The following ATP11B variants were observed in gnomAD, a reference collection of about 807,000 sequenced individuals.
The protein encoded by ATP11B is ATPase phospholipid transporting 11B (putative), also known as phospholipid-transporting ATPase IF.
In ATP11B, 81 loss-of-function variants were observed where a neutral mutation model predicts 157.8. That is an observed-to-expected ratio of 0.51 (90% CI 0.43 to 0.62). The LOEUF is 0.62. Among genes scored for constraint, ATP11B ranks in the 20% least tolerant of loss-of-function variants. The probability of loss-of-function intolerance (pLI) is 0.00; values close to 1 mark genes in which losing one functional copy is unlikely to be tolerated. For synonymous variants in ATP11B, 451 were observed against 469.4 expected (o/e 0.96, Z 0.51); for missense variants, 1,165 against 1,402.2 (o/e 0.83, Z 2.70).
intron 25 of ATP11B, among the ~76,000 whole-genome samples, chr3:182,893,355 C>T (rs1723302323): frequency 6.6e-6 from 1 of 152,076 alleles, no homozygotes; most frequent in Non-Finnish European, 1.5e-5. Context: ...CACCCTTTTC[C>T]CTGAGCCCCA....
chr3:182,876,996 C>T (rs920723933), intron 19 of ATP11B, among the ~76,000 whole-genome samples: 14 of 152,174 alleles, frequency 9.2e-5, no homozygotes, highest in African/African-American at 1.7e-4. Context: ...AAAAATCTGT[C>T]GCACAAAGAA....
chr3:182,889,383 T>C (rs765211482), intron 24 of ATP11B, 27 bp from the exon 25 acceptor site: 8 of 1,462,988 alleles, frequency 5.5e-6, no homozygotes, highest in Middle Eastern at 2.1e-4. Context: ...ATCCCTAATA[T>C]GTTTCTTTTT....
At chr3:182,819,337 C>T (rs1258597554) in intron 1 of ATP11B, among the ~76,000 whole-genome samples, 2 of 152,122 alleles carry the variant, frequency 1.3e-5, no homozygotes, top group Non-Finnish European at 2.9e-5. Context: ...TCCCAAAGTG[C>T]TAGGATTACA....
rs1200408097 is a variant in ATP11B at position 182,844,998 on chromosome 3, T to A, written c.705-460T>A. Among the ~76,000 whole-genome samples the A allele has an allele frequency of 8.7e-4, 105 of 120,376 alleles. 1 individual carries two copies. Among genetic ancestry groups the A allele is most frequent in the East Asian group, 4.5e-3 (22 of 4,916 alleles). 79.0% of individuals were successfully genotyped at this position (120,376 alleles called of 152,430 possible). On this transcript the variant is annotated intron_variant, in intron 8 of 29. Coordinates refer to ENST00000323116, the MANE Select transcript of ATP11B (RefSeq NM_014616.3). ...CTAGGCAGCCTTTTTTTTTTTATTT[T>A]TTTTTTTATTTTTTTTTATTTTTGA...
chr3:182,877,754 G>A (rs888038349), intron 19 of ATP11B, among the ~76,000 whole-genome samples: 15 of 152,090 alleles, frequency 9.9e-5, no homozygotes, highest in African/African-American at 3.4e-4. Flanking sequence ...GGTATAGATG[G>A]GACAGGGTAT....
chr3:182,887,776 A>G (rs745990751), intron 24 of ATP11B, 63 bp downstream of exon 24: 69 of 1,519,118 alleles, frequency 4.5e-5, no homozygotes, highest in Non-Finnish European at 6.0e-5. Context: ...AAGCAGATTT[A>G]TTTATGTCTT....
At chr3:182,826,920 T>C (rs1015137073) in intron 2 of ATP11B, among the ~76,000 whole-genome samples, 1 of 152,158 alleles carries the variant, frequency 6.6e-6, no homozygotes, top group African/African-American at 2.4e-5. Flanking sequence ...GTAAAGTACC[T>C]CTTTGGAAAT....
At chr3:182,835,410 A>G (rs1718472776) in intron 4 of ATP11B, among the ~76,000 whole-genome samples, 1 of 152,202 alleles carries the variant, frequency 6.6e-6, no homozygotes, top group Non-Finnish European at 1.5e-5. Context: ...CATAGAAACA[A>G]TAGAATTTAG....
At chr3:182,877,461 G>A (rs945863708) in intron 19 of ATP11B, among the ~76,000 whole-genome samples, 5 of 152,228 alleles carry the variant, frequency 3.3e-5, no homozygotes, top group Non-Finnish European at 5.9e-5. Flanking sequence ...GGGCAACATA[G>A]TGAAACCCCG....
intron 3 of ATP11B, among the ~76,000 whole-genome samples, chr3:182,828,874 G>A (rs544824324): frequency 1.1e-4 from 17 of 151,994 alleles, no homozygotes; most frequent in South Asian, 4.1e-4. Context: ...ATTCTTTTCC[G>A]ATAAAACTTG....
chr3:182,919,377 C>A lies in ATP11B; in HGVS notation c.*1273C>A, dbSNP rs937719086. The stretch of plus-strand genomic sequence containing the variant: ...AAATTAAATGCTAAGAATGATTAAT[C>A]GGGTACATGTTACTGTAATTAACTC... On this transcript the variant is annotated 3_prime_UTR_variant, in exon 30 of 30. Transcript: ENST00000323116. 1.3e-5 allele frequency: 2 copies of A among 152,574 alleles called. No individual in the cohort carries two copies. Among genetic ancestry groups the A allele is most frequent in the African/African-American group, 2.4e-5 (1 of 41,432 alleles). 9.5% of individuals were successfully genotyped at this position (152,574 alleles called of 1,614,324 possible).
At chr3:182,876,808 G>T (rs771806494) in intron 19 of ATP11B, among the ~76,000 whole-genome samples, 1 of 152,144 alleles carries the variant, frequency 6.6e-6, no homozygotes, top group African/African-American at 2.4e-5. Flanking sequence ...TAACAATGGG[G>T]GTTAACTTTC....
intron 28 of ATP11B, chr3:182,902,483 G>A: frequency 1.6e-6 from 2 of 1,288,508 alleles, no homozygotes; most frequent in Non-Finnish European, 2.0e-6. Context: ...ACTTATAGAT[G>A]TACTCCAACA....
intron 28 of ATP11B, chr3:182,905,716 T>A: frequency 4.4e-6 from 2 of 450,820 alleles, no homozygotes; most frequent in Admixed American, 4.7e-5. Flanking sequence ...TGCCAACTTG[T>A]TGCTTTGATC....
At chr3:182,807,424 C>T (rs192035016) in intron 1 of ATP11B, among the ~76,000 whole-genome samples, 1 of 152,188 alleles carries the variant, frequency 6.6e-6, no homozygotes, top group African/African-American at 2.4e-5. Flanking sequence ...TTAGGCCTGG[C>T]TTATATCTTA....
At chr3:182,903,371 A>G (rs762396268) in intron 28 of ATP11B, among the ~76,000 whole-genome samples, 10 of 152,022 alleles carry the variant, frequency 6.6e-5, no homozygotes, top group African/African-American at 9.6e-5. Flanking sequence ...ATCTTTCTCT[A>G]TGTTCATTTG....
chr3:182,839,435 A>C (rs1173788219), intron 7 of ATP11B, among the ~76,000 whole-genome samples: 1 of 152,142 alleles, frequency 6.6e-6, no homozygotes, highest in East Asian at 1.9e-4. Context: ...TAAATGTTTA[A>C]ATAAATGTGT....
At chr3:182,864,198 T>G (rs1276961897) in intron 12 of ATP11B, among the ~76,000 whole-genome samples, 3 of 152,148 alleles carry the variant, frequency 2.0e-5, no homozygotes, top group Non-Finnish European at 4.4e-5. Flanking sequence ...GGTCATATCA[T>G]GTGCAAATGG....
intron 1 of ATP11B, among the ~76,000 whole-genome samples, chr3:182,796,448 A>G (rs1715603739): frequency 6.6e-6 from 1 of 152,228 alleles, no homozygotes; most frequent in Non-Finnish European, 1.5e-5. Context: ...TGGCCATTAA[A>G]ATTAAAATTG....
Sources: allele counts gnomAD v4.1 joint callset (sites outside exome capture counted in the v4.1 genomes callset), GRCh38; gene constraint gnomAD v4.1.1; transcripts MANE v1.5; gene names NCBI Gene and HGNC (gene_info 2026-07-23, HGNC 2026-07-21).